GNRHR: variants seen among roughly 807,000 people sequenced by gnomAD.
GNRHR encodes gonadotropin-releasing hormone receptor.
In GNRHR, 14 loss-of-function variants were observed where a neutral mutation model predicts 28.1. That is an observed-to-expected ratio of 0.50 (90% confidence interval 0.33 to 0.78). The LOEUF (loss-of-function observed/expected upper bound fraction) is 0.78. GNRHR is among the 30% of genes least tolerant of loss of function. GNRHR has a pLI of 0.02. For synonymous variants in GNRHR, 141 were observed against 140.5 expected (o/e 1.00, Z -0.02); for missense variants, 366 against 382.1 (o/e 0.96, Z 0.35).
intron 1 of GNRHR, among the ~76,000 whole-genome samples, chr4:67,751,417 T>G (rs1054950137): frequency 3.9e-4 from 59 of 152,236 alleles, no homozygotes; most frequent in African/African-American, 1.3e-3. Flanking sequence ...CAAAGTGCTT[T>G]AAAGTGTTGT....
rs963694391 is a variant in GNRHR at position 67,739,568 on chromosome 4, G to A, written c.*912C>T. 1.4e-4 allele frequency: 21 copies of A among 151,888 alleles called. No homozygotes were observed. Among genetic ancestry groups the A allele is most frequent in the African/African-American group, 4.8e-4 (20 of 41,376 alleles). The allele number at this position is 151,888 out of a possible 1,614,324, so 9.4% of individuals were successfully genotyped here. ...TTTGCTTGTGCATTTGCTTAATTTT[G>A]TTTTAATTATTCTCAGTTATTTATG... On this transcript the variant is annotated 3_prime_UTR_variant, in exon 3 of 3. Transcript: ENST00000226413.
At chr4:67,753,261 C>T (rs1263814053) in intron 1 of GNRHR, among the ~76,000 whole-genome samples, 3 of 152,202 alleles carry the variant, frequency 2.0e-5, no homozygotes, top group African/African-American at 7.2e-5. Flanking sequence ...TCCCACTTAG[C>T]TGCAAACTGC....
At position 67,737,678 on chromosome 4, in the gene GNRHR, A is replaced by G. The variant is rs79040488; in HGVS notation, c.*2802T>C. On this transcript the variant is annotated 3_prime_UTR_variant, in exon 3 of 3. Transcript: ENST00000226413. ...CTATATTTCTGTTGAATAGGCTTAA[A>G]TTGAACTAATGTAGGCTTTGTTTAA... Among the ~76,000 whole-genome samples, 390 of 152,066 alleles carry G rather than the reference A, an allele frequency of 2.6e-3. No individual in the cohort carries two copies. Among genetic ancestry groups the G allele is most frequent in the African/African-American group, 8.9e-3 (370 of 41,544 alleles).
At chr4:67,742,436 A>G (rs1312862029) in intron 2 of GNRHR, among the ~76,000 whole-genome samples, 1 of 151,408 alleles carries the variant, frequency 6.6e-6, no homozygotes, top group African/African-American at 2.4e-5. Flanking sequence ...TACTACCCCA[A>G]ATTATCTATC....
chr4:67,748,725 TAAAA>T (rs1297047675), intron 1 of GNRHR, among the ~76,000 whole-genome samples: 1 of 145,438 alleles, frequency 6.9e-6, no homozygotes, highest in Non-Finnish European at 1.5e-5. Context: ...ATAATAATAA[TAAAA>T]TAAATAAATA....
At position 67,747,775 on chromosome 4, in the gene GNRHR, G is replaced by A. The variant is rs538069921; in HGVS notation, c.523-2988C>T. Reference sequence around the variant, plus strand: ...ATAGCTGGCATTCTCTGTCATAAAAGATAAAGCAGTTATATCCTTCAATCA... The same window carrying A: ...ATAGCTGGCATTCTCTGTCATAAAAAATAAAGCAGTTATATCCTTCAATCA... On this transcript the variant is annotated intron_variant, in intron 1 of 2. Coordinates refer to ENST00000226413, the MANE Select transcript of GNRHR (RefSeq NM_000406.3). Among the ~76,000 whole-genome samples, 120 of 152,162 alleles carry A rather than the reference G, an allele frequency of 7.9e-4. 1 individual carries two copies. The highest frequency in any genetic ancestry group is 2.8e-3 in the African/African-American group (117 of 41,530).
Position 67,739,411 on chromosome 4 carries a change from A to G in GNRHR, c.*1069T>C, listed in dbSNP as rs1731613954. 1 of 152,062 alleles carries G rather than the reference A, an allele frequency of 6.6e-6. No homozygotes were observed. The highest frequency in any genetic ancestry group is 6.6e-5 in the Admixed American group (1 of 15,256). 9.4% of individuals were successfully genotyped at this position (152,062 alleles called of 1,614,324 possible). A position where few individuals can be genotyped will look rare whatever the true frequency, so the allele number is the denominator to read the frequency against. On this transcript the variant is annotated 3_prime_UTR_variant, in exon 3 of 3. Coordinates refer to ENST00000226413, the MANE Select transcript of GNRHR (RefSeq NM_000406.3). ...ATTACATGGAAATATAGTGTTGTGC[A>G]TAGACTGCAGGTTAAGAAACCCTGC...
chr4:67,753,959 T>C lies in GNRHR; in HGVS notation c.377A>G (p.Tyr126Cys), dbSNP rs776395394. ...VLSYLKLFSM[Y>C]APAFMMVVIS... ...CACCACCATCATGAAGGCTGGGGCA[T>C]ACATGGAGAAAAGCTTTAGATAACT... The change falls in exon 1 of 3, where the codon TAT (tyrosine) becomes TGT (cysteine). Residue 126 changes from tyrosine to cysteine, a missense_variant. Coordinates refer to ENST00000226413, the MANE Select transcript of GNRHR (RefSeq NM_000406.3). The C allele has an allele frequency of 6.2e-7, 1 of 1,614,078 alleles. No individual in the cohort carries two copies. The highest frequency in any genetic ancestry group is 8.5e-7 in the Non-Finnish European group (1 of 1,179,974).
Position 67,738,647 on chromosome 4 carries a change from G to A in GNRHR, c.*1833C>T, listed in dbSNP as rs912173198. Reference sequence around the variant, plus strand: ...GGAATAAGTATATGATAGAGACTTAGAGGACACTGGTTTTGTTTCAACTTA... The same window carrying A: ...GGAATAAGTATATGATAGAGACTTAAAGGACACTGGTTTTGTTTCAACTTA... On this transcript the variant is annotated 3_prime_UTR_variant, in exon 3 of 3. Transcript: ENST00000226413. Among the ~76,000 whole-genome samples, 1 of 151,938 alleles carries A rather than the reference G, an allele frequency of 6.6e-6. No homozygotes were observed. Among genetic ancestry groups the A allele is most frequent in the African/African-American group, 2.4e-5 (1 of 41,418 alleles).
intron 1 of GNRHR, chr4:67,747,372 G>T: frequency 6.1e-6 from 1 of 164,276 alleles, no homozygotes; most frequent in Non-Finnish European, 1.4e-5. Flanking sequence ...TTTGATAGGA[G>T]TTCTTGTGAC....
chr4:67,748,777 A>G (rs1250777911), intron 1 of GNRHR, among the ~76,000 whole-genome samples: 1 of 151,578 alleles, frequency 6.6e-6, no homozygotes, highest in African/African-American at 2.4e-5. Context: ...TTAAAAAAAA[A>G]AGAGCTGGCT....
At chr4:67,747,702 T>G (rs1388009011) in intron 1 of GNRHR, among the ~76,000 whole-genome samples, 3 of 152,170 alleles carry the variant, frequency 2.0e-5, no homozygotes, top group African/African-American at 7.2e-5. Context: ...ATGGCTATCT[T>G]ATTTAACACA....
At chr4:67,744,863 G>A in intron 1 of GNRHR, 76 bp from the exon 2 acceptor site, 3 of 839,826 alleles carry the variant, frequency 3.6e-6, no homozygotes, top group Non-Finnish European at 6.1e-6. Flanking sequence ...TACTCTGCTA[G>A]CCTTCTAACA....
rs144451862 is a variant in GNRHR, at chr4:67,744,662, G to A, written c.648C>T (p.Phe216=). 173 of 1,612,796 alleles carry A rather than the reference G, an allele frequency of 1.1e-4. No homozygotes were observed. In the Middle Eastern group the frequency reaches 4.6e-3, roughly 43 times the overall value. ...AAAGAGGGATGATGAAGAGGCAGCTGAAGGTGAAAAAGTTATAAAATGCTT... is the reference window on the plus strand; with the variant it reads ...AAAGAGGGATGATGAAGAGGCAGCTAAAGGTGAAAAAGTTATAAAATGCTT... The part of the protein sequence containing the change: ...WHQAFYNFFT[F]SCLFIIPLFI... Residue 216 remains phenylalanine (F), a synonymous_variant, in exon 2 of 3, where the codon TTC becomes TTT. Transcript: ENST00000226413.
At position 67,737,310 on chromosome 4, in the gene GNRHR, C is replaced by G. The variant is rs973443574; in HGVS notation, c.*3170G>C. On this transcript the variant is annotated 3_prime_UTR_variant, in exon 3 of 3. Transcript: ENST00000226413. Reference sequence around the variant, plus strand: ...ATTTTATATAACTTTTAAAGTTAGACTAATTGTTTTAAACTTGATTCCTAA... The same window carrying G: ...ATTTTATATAACTTTTAAAGTTAGAGTAATTGTTTTAAACTTGATTCCTAA... Among the ~76,000 whole-genome samples the G allele has an allele frequency of 6.6e-6, 1 of 151,826 alleles. No homozygotes were observed. Among genetic ancestry groups the G allele is most frequent in the Non-Finnish European group, 1.5e-5 (1 of 67,908 alleles).
intron 1 of GNRHR, among the ~76,000 whole-genome samples, chr4:67,746,125 T>C (rs911930852): frequency 1.3e-5 from 2 of 152,080 alleles, no homozygotes; most frequent in African/African-American, 2.4e-5. Context: ...CAATCATTAC[T>C]GTGGCTGTGT....
In GNRHR at chr4:67,739,499, C is replaced by T. The variant is rs1171072916; in HGVS notation, c.*981G>A. Reference sequence around the variant, plus strand: ...CTTCTTTGATCTGTACAGACTGAAGCTGTAGTTTTCTCTCCAGAGTTCCTT... The same window carrying T: ...CTTCTTTGATCTGTACAGACTGAAGTTGTAGTTTTCTCTCCAGAGTTCCTT... On this transcript the variant is annotated 3_prime_UTR_variant, in exon 3 of 3. Coordinates refer to ENST00000226413, the MANE Select transcript of GNRHR (RefSeq NM_000406.3). 4 of 152,052 alleles carry T rather than the reference C, an allele frequency of 2.6e-5. No individual in the cohort carries two copies. Among genetic ancestry groups the T allele is most frequent in the Non-Finnish European group, 5.9e-5 (4 of 67,948 alleles). The allele number at this position is 152,052 out of a possible 1,614,324, so 9.4% of individuals were successfully genotyped here. A position where few individuals can be genotyped will look rare whatever the true frequency, so the allele number is the denominator to read the frequency against.
At chr4:67,743,519 A>T (rs1731699875) in intron 2 of GNRHR, among the ~76,000 whole-genome samples, 1 of 152,200 alleles carries the variant, frequency 6.6e-6, no homozygotes. Context: ...CACCTAGCAC[A>T]GTTTCCAGCA....
At chr4:67,748,456 T>C (rs546808354) in intron 1 of GNRHR, among the ~76,000 whole-genome samples, 33 of 152,244 alleles carry the variant, frequency 2.2e-4, no homozygotes, top group African/African-American at 7.2e-4. Flanking sequence ...CGTTTATATG[T>C]TTATAAATGT....
Sources: allele counts gnomAD v4.1 joint callset (sites outside exome capture counted in the v4.1 genomes callset), GRCh38; gene constraint gnomAD v4.1.1; transcripts MANE v1.5; gene names NCBI Gene and HGNC (gene_info 2026-07-23, HGNC 2026-07-21).